The following ARMH3 variants were observed in gnomAD, a reference collection of about 807,000 sequenced individuals.
The protein encoded by ARMH3 is armadillo-like helical domain-containing protein 3.
ARMH3 carries 60 observed loss-of-function variants against 99.1 expected under a neutral mutation model. That is an observed-to-expected ratio of 0.61 (90% CI 0.49 to 0.75). ARMH3 has a LOEUF of 0.75. ARMH3 is among the 30% of genes least tolerant of loss of function. The pLI, the probability that ARMH3 is intolerant of heterozygous loss-of-function variation, is 0.00. For synonymous variants in ARMH3, 285 were observed against 292.8 expected (o/e 0.97, Z 0.27); for missense variants, 679 against 843.1 (o/e 0.81, Z 2.41).
intron 1 of ARMH3, among the ~76,000 whole-genome samples, chr10:102,050,387 G>A (rs373360371): frequency 6.6e-6 from 1 of 152,190 alleles, no homozygotes; most frequent in South Asian, 2.1e-4. Context: ...GGTGGAGCTT[G>A]CAGTAAGCCG....
chr10:102,054,277 T>C (rs2067783572), intron 1 of ARMH3, among the ~76,000 whole-genome samples: 1 of 151,334 alleles, frequency 6.6e-6, no homozygotes, highest in Admixed American at 6.6e-5. Context: ...TAGTCACAGC[T>C]ACTCAGAAGG....
At chr10:101,958,931 T>C (rs929612476) in intron 20 of ARMH3, among the ~76,000 whole-genome samples, 2 of 152,104 alleles carry the variant, frequency 1.3e-5, no homozygotes, top group East Asian at 3.8e-4. Flanking sequence ...GCAAGGAAAG[T>C]ACAAGAGGCT....
At chr10:102,045,604 T>C (rs560092358) in intron 1 of ARMH3, among the ~76,000 whole-genome samples, 1 of 152,200 alleles carries the variant, frequency 6.6e-6, no homozygotes, top group Non-Finnish European at 1.5e-5. Flanking sequence ...AAACATTCCT[T>C]TTCTGAAATG....
chr10:102,050,425 G>A (rs968959214), intron 1 of ARMH3, among the ~76,000 whole-genome samples: 4 of 152,188 alleles, frequency 2.6e-5, no homozygotes, highest in African/African-American at 9.7e-5. Flanking sequence ...TCCAGCCCCA[G>A]CCTGGGCAAC....
At chr10:102,053,121 T>C (rs908837747) in intron 1 of ARMH3, among the ~76,000 whole-genome samples, 7 of 150,818 alleles carry the variant, frequency 4.6e-5, no homozygotes, top group Non-Finnish European at 1.0e-4. Flanking sequence ...CTCAGTCAAT[T>C]GCAACAACTC....
At chr10:102,055,349 G>A (rs902448690) in intron 1 of ARMH3, among the ~76,000 whole-genome samples, 7 of 151,966 alleles carry the variant, frequency 4.6e-5, no homozygotes, top group African/African-American at 1.7e-4. Context: ...AAAACTTTCT[G>A]GAGAGGAAGA....
intron 24 of ARMH3, among the ~76,000 whole-genome samples, chr10:101,882,906 A>G (rs2067453232): frequency 6.6e-6 from 1 of 152,174 alleles, no homozygotes; most frequent in Non-Finnish European, 1.5e-5. Flanking sequence ...CTCTTCAATA[A>G]TAATAATTTT....
At chr10:102,002,109 C>T (rs1457053577) in intron 14 of ARMH3, 37 bp from the exon 15 acceptor site, 5 of 1,609,362 alleles carry the variant, frequency 3.1e-6, no homozygotes, top group Non-Finnish European at 4.2e-6. Context: ...TAGCCTGCAA[C>T]ATATTCCATC....
chr10:101,943,956 C>T (rs949932625), intron 22 of ARMH3, among the ~76,000 whole-genome samples: 1 of 149,218 alleles, frequency 6.7e-6, no homozygotes, highest in African/African-American at 2.5e-5. Flanking sequence ...CCCAGCTACT[C>T]GGGAGGCTGA....
At chr10:101,974,765 AC>A (rs1845916083) in intron 20 of ARMH3, among the ~76,000 whole-genome samples, 1 of 151,710 alleles carries the variant, frequency 6.6e-6, no homozygotes, top group Non-Finnish European at 1.5e-5. Context: ...GCATCTCCCC[AC>A]CCCGTCCCCA....
chr10:101,857,899 G>A (rs1332936187), intron 24 of ARMH3, among the ~76,000 whole-genome samples: 2 of 152,172 alleles, frequency 1.3e-5, no homozygotes, highest in Non-Finnish European at 2.9e-5. Context: ...CCCAGAACTG[G>A]TTATGTGTCT....
intron 11 of ARMH3, among the ~76,000 whole-genome samples, chr10:102,011,282 C>A (rs111932823): frequency 1.3e-5 from 2 of 152,098 alleles, no homozygotes; most frequent in African/African-American, 4.8e-5. Context: ...ACAGCCATGG[C>A]AGACAGCAAA....
At position 101,944,707 on chromosome 10, in the gene ARMH3, G is replaced by A. The variant is rs137956626; in HGVS notation, c.1706-4769C>T. ...TGCACACCTGTAATCTCAGCTACTC[G>A]GGAGGCTGAGGCACAAGAATCGCTT... On this transcript the variant is annotated intron_variant, in intron 22 of 25. Coordinates refer to ENST00000370033, the MANE Select transcript of ARMH3 (RefSeq NM_024541.3). Among the ~76,000 whole-genome samples, 1,421 of 152,002 alleles carry A rather than the reference G, an allele frequency of 9.3e-3. 18 individuals are homozygous for A. The highest frequency in any genetic ancestry group is 0.033 in the African/African-American group (1,349 of 41,436).
intron 24 of ARMH3, among the ~76,000 whole-genome samples, chr10:101,861,910 C>A (rs1285019754): frequency 1.4e-5 from 2 of 145,050 alleles, no homozygotes; most frequent in Non-Finnish European, 3.0e-5. Context: ...ATTAGCCAGG[C>A]GTGGTGGTGG....
intron 24 of ARMH3, among the ~76,000 whole-genome samples, chr10:101,870,431 G>A (rs1292972921): frequency 6.6e-6 from 1 of 152,096 alleles, no homozygotes; most frequent in Non-Finnish European, 1.5e-5. Context: ...AAAAAAAGAT[G>A]GATTGATGGA....
intron 23 of ARMH3, among the ~76,000 whole-genome samples, chr10:101,930,120 A>G (rs1196788884): frequency 1.3e-5 from 2 of 152,196 alleles, no homozygotes; most frequent in Non-Finnish European, 2.9e-5. Context: ...ATTATACACC[A>G]TGACCAAGTA....
intron 13 of ARMH3, among the ~76,000 whole-genome samples, chr10:102,008,064 C>T (rs1480324808): frequency 6.6e-6 from 1 of 152,084 alleles, no homozygotes; most frequent in Non-Finnish European, 1.5e-5. Flanking sequence ...CCTTTTCTTC[C>T]CTAACAGCTT....
At chr10:101,891,769 T>G (rs1173150652) in intron 23 of ARMH3, among the ~76,000 whole-genome samples, 2 of 152,176 alleles carry the variant, frequency 1.3e-5, no homozygotes, top group African/African-American at 4.8e-5. Flanking sequence ...ATCTTTTTAC[T>G]TTTTCTATAA....
At chr10:101,944,292 A>AGAGAGC (rs1792898965) in intron 22 of ARMH3, among the ~76,000 whole-genome samples, 8 of 83,932 alleles carry the variant, frequency 9.5e-5, no homozygotes, top group Non-Finnish European at 1.9e-4. Flanking sequence ...AGAGAGAGAG[A>AGAGAGC]GAGAGAGAGA....
Sources: gnomAD v4.1 joint callset for allele counts (sites outside exome capture counted in the v4.1 genomes callset) on GRCh38, gnomAD v4.1.1 for gene constraint, MANE v1.5 for transcripts, NCBI Gene and HGNC (gene_info 2026-07-23, HGNC 2026-07-21) for gene names.